The following LIF variants were observed in gnomAD, a reference collection of about 807,000 sequenced individuals.
LIF encodes LIF interleukin 6 family cytokine.
LIF carries 9 observed loss-of-function variants against 15.0 expected under a neutral mutation model. The observed-to-expected ratio is 0.60, with a 90% CI of 0.36 to 1.04. LIF has a LOEUF of 1.04. Among genes scored for constraint, LIF ranks in the 50% least tolerant of loss-of-function variants. The probability of loss-of-function intolerance (pLI) is 0.01; values close to 1 mark genes in which losing one functional copy is unlikely to be tolerated. For synonymous variants in LIF, 122 were observed against 119.7 expected (o/e 1.02, Z -0.13); for missense variants, 240 against 266.7 (o/e 0.90, Z 0.70).
chr22:30,244,567 T>C (rs1928801999), intron 2 of LIF, among the ~76,000 whole-genome samples, 188 bp downstream of exon 2: 1 of 152,096 alleles, frequency 6.6e-6, no homozygotes, highest in Non-Finnish European at 1.5e-5. Context: ...CTGGGCACCC[T>C]GGGGAAGCTT....
At position 30,241,836 on chromosome 22, in the gene LIF, T is replaced by G. The variant is rs947062243; in HGVS notation, c.*1815A>C. ...CCCTGCCTGGGAGCCCAGACATGGG[T>G]GGGAGTGGGATGGGGGTGGAGCAGG... On this transcript the variant is annotated 3_prime_UTR_variant, in exon 3 of 3. Coordinates refer to ENST00000249075, the MANE Select transcript of LIF (RefSeq NM_002309.5). The surrounding 1 kb of genome is among the most constrained non-coding windows in gnomAD (Gnocchi z 4.4). The G allele has an allele frequency of 5.9e-5, 9 of 152,044 alleles. No individual in the cohort carries two copies. Among genetic ancestry groups the G allele is most frequent in the African/African-American group, 2.2e-4 (9 of 41,312 alleles). 9.4% of individuals were successfully genotyped at this position (152,044 alleles called of 1,614,324 possible). A position where few individuals can be genotyped will look rare whatever the true frequency, so the allele number is the denominator to read the frequency against.
At chr22:30,244,147 G>A in intron 2 of LIF, 86 bp from the exon 3 acceptor site, 2 of 1,351,146 alleles carry the variant, frequency 1.5e-6, no homozygotes, top group Non-Finnish European at 2.0e-6. Context: ...TCTTGCGTCT[G>A]TTTCCCCATC....
chr22:30,240,603 G>C lies in LIF; in HGVS notation c.*3048C>G, dbSNP rs1019320917. Reference sequence around the variant, plus strand: ...CCCCACAGGGTACATTCATCAAAGAGGAATTTGTCACCCAAGGCCATGTGC... The same window carrying C: ...CCCCACAGGGTACATTCATCAAAGACGAATTTGTCACCCAAGGCCATGTGC... On this transcript the variant is annotated 3_prime_UTR_variant, in exon 3 of 3. Transcript: ENST00000249075. 6.6e-6 allele frequency: 1 copy of C among 152,566 alleles called. No individual in the cohort carries two copies. Among genetic ancestry groups the C allele is most frequent in the African/African-American group, 2.4e-5 (1 of 41,404 alleles). 9.5% of individuals were successfully genotyped at this position (152,566 alleles called of 1,614,324 possible). A position where few individuals can be genotyped will look rare whatever the true frequency, so the allele number is the denominator to read the frequency against.
rs1928738587 is a variant in LIF at position 30,243,251 on chromosome 22, A to G, written c.*400T>C. The G allele has an allele frequency of 2.8e-5, 9 of 318,456 alleles. No individual in the cohort carries two copies. Among genetic ancestry groups the G allele is most frequent in the South Asian group, 2.4e-4 (8 of 32,918 alleles). The allele number at this position is 318,456 out of a possible 1,614,324, so 19.7% of individuals were successfully genotyped here. A position where few individuals can be genotyped will look rare whatever the true frequency, so the allele number is the denominator to read the frequency against. On this transcript the variant is annotated 3_prime_UTR_variant, in exon 3 of 3. Coordinates refer to ENST00000249075, the MANE Select transcript of LIF (RefSeq NM_002309.5). This position sits in a 1 kb window ranked among gnomAD's most constrained non-coding sequence, Gnocchi z 6.0. ...AGGGGCAGCAAAGGCACAGATGGTG[A>G]TAATTTGCTGGGGGCTGGTCCACTC...
At chr22:30,244,552 G>T (rs1274048641) in intron 2 of LIF, among the ~76,000 whole-genome samples, 1 of 152,124 alleles carries the variant, frequency 6.6e-6, no homozygotes, top group Non-Finnish European at 1.5e-5. Context: ...TTCTCCCCTT[G>T]CTAACTGGGC....
rs142197761 is a variant in LIF, at chr22:30,243,987, G to A, written c.273C>T (p.Pro91=). The change falls in exon 3 of 3, where the codon CCC becomes CCT. Residue 91 remains proline, a synonymous_variant. Coordinates refer to ENST00000249075, the MANE Select transcript of LIF (RefSeq NM_002309.5). This position sits in a 1 kb window ranked among gnomAD's most constrained non-coding sequence, Gnocchi z 6.0. ...CCTTCTCCGTGCCGTTGGCGTGGAA[G>A]GGCGGGAAGTCCGTCACGTTGGGGC... ...LCGPNVTDFP[P]FHANGTEKAK... 9 of 1,613,864 alleles carry A rather than the reference G, an allele frequency of 5.6e-6. No homozygotes were observed. The highest frequency in any genetic ancestry group is 2.7e-5 in the African/African-American group (2 of 74,918).
chr22:30,244,715 C>A, intron 2 of LIF, 40 bp downstream of exon 2: 1 of 1,584,760 alleles, frequency 6.3e-7, no homozygotes, highest in Non-Finnish European at 8.7e-7. Flanking sequence ...TACAAGCCCC[C>A]TCCCTGCCAT....
chr22:30,245,453 G>C (rs1434832205), intron 1 of LIF, among the ~76,000 whole-genome samples: 1 of 152,146 alleles, frequency 6.6e-6, no homozygotes, highest in Non-Finnish European at 1.5e-5. Context: ...ATGGGGGAGT[G>C]GGGAGGAGTC....
intron 2 of LIF, among the ~76,000 whole-genome samples, chr22:30,244,460 G>A (rs987760320): frequency 6.6e-6 from 1 of 152,018 alleles, no homozygotes; most frequent in African/African-American, 2.4e-5. Flanking sequence ...GGTGCCTCAC[G>A]CCCATTTCCC....
intron 2 of LIF, 137 bp downstream of exon 2, chr22:30,244,618 G>A (rs1232316892): frequency 3.6e-6 from 3 of 827,090 alleles, no homozygotes; most frequent in Non-Finnish European, 6.0e-6. Flanking sequence ...GAGTCTGGGG[G>A]TGGTTTAATC....
Position 30,243,622 on chromosome 22 carries a change from C to T in LIF, c.*29G>A, listed in dbSNP as rs757418172. ...TCTGGACCCAACTCCTGAGATCCCT[C>T]GGTTCACAGCACACTTCAAGACCTC... On this transcript the variant is annotated 3_prime_UTR_variant, in exon 3 of 3. Coordinates refer to ENST00000249075, the MANE Select transcript of LIF (RefSeq NM_002309.5). This position sits in a 1 kb window ranked among gnomAD's most constrained non-coding sequence, Gnocchi z 6.0. The T allele has an allele frequency of 7.4e-6, 12 of 1,613,880 alleles. No homozygotes were observed. The highest frequency in any genetic ancestry group is 1.1e-5 in the South Asian group (1 of 91,056).
At chr22:30,244,606 G>A (rs929273) in intron 2 of LIF, 149 bp downstream of exon 2, 227,820 of 750,962 alleles carry the variant, frequency 0.3, 38,021 homozygotes, top group South Asian at 0.46. Flanking sequence ...AGGAAGTGGC[G>A]GGAGTCTGGG....
chr22:30,243,672 G>C lies in LIF; in HGVS notation c.588C>G (p.Ala196=). The change falls in exon 3 of 3, where the codon GCC becomes GCG. Residue 196 remains alanine, a synonymous_variant. Transcript: ENST00000249075. This position sits in a 1 kb window ranked among gnomAD's most constrained non-coding sequence, Gnocchi z 6.0. Reference sequence around the variant, plus strand: ...CCTGCTAGAAGGCCTGGGCCAACACGGCGATGATCTGCTTATACTTCCCCA... The same window carrying C: ...CCTGCTAGAAGGCCTGGGCCAACACCGCGATGATCTGCTTATACTTCCCCA... The part of the protein sequence containing the change: ...QLLGKYKQII[A]VLAQAF 1 of 1,614,216 alleles carries C rather than the reference G, an allele frequency of 6.2e-7. No homozygotes were observed. The highest frequency in any genetic ancestry group is 8.5e-7 in the Non-Finnish European group (1 of 1,180,044).
At chr22:30,244,265 T>G (rs555418196) in intron 2 of LIF, among the ~76,000 whole-genome samples, 1 of 152,258 alleles carries the variant, frequency 6.6e-6, no homozygotes, top group African/African-American at 2.4e-5. Flanking sequence ...GACTGAGCCA[T>G]GCACGCAGTC....
Position 30,244,826 on chromosome 22 carries a change from T to G in LIF, c.127A>C (p.Asn43His). The G allele has an allele frequency of 6.2e-7, 1 of 1,614,188 alleles. No homozygotes were observed. The highest frequency in any genetic ancestry group is 8.5e-7 in the Non-Finnish European group (1 of 1,180,014). Reference protein sequence around the residue: ...TCAIRHPCHNNLMNQIRSQLA... With the variant: ...TCAIRHPCHNHLMNQIRSQLA... Reference sequence around the variant, plus strand: ...TGGCTCCTGATCTGGTTCATGAGGTTGTTGTGACATGGGTGGCGTATGGCA... The same window carrying G: ...TGGCTCCTGATCTGGTTCATGAGGTGGTTGTGACATGGGTGGCGTATGGCA... Residue 43 changes from asparagine (N) to histidine (H), a missense_variant, in exon 2 of 3, where the codon AAC (asparagine) becomes CAC (histidine). Coordinates refer to ENST00000249075, the MANE Select transcript of LIF (RefSeq NM_002309.5).
At position 30,241,308 on chromosome 22, in the gene LIF, G is replaced by T. The variant is rs1928660020; in HGVS notation, c.*2343C>A. The T allele has an allele frequency of 6.6e-6, 1 of 152,390 alleles. No homozygotes were observed. Among genetic ancestry groups the T allele is most frequent in the Non-Finnish European group, 1.5e-5 (1 of 68,090 alleles). The allele number at this position is 152,390 out of a possible 1,614,324, so 9.4% of individuals were successfully genotyped here. A position where few individuals can be genotyped will look rare whatever the true frequency, so the allele number is the denominator to read the frequency against. On this transcript the variant is annotated 3_prime_UTR_variant, in exon 3 of 3. Transcript: ENST00000249075. The surrounding 1 kb of genome is among the most constrained non-coding windows in gnomAD (Gnocchi z 4.4). ...TGGGCGAGTCAGCCGGGCCCCCCGGGTGGAATCAGCAACTCTGGTTTCCAG... is the reference window on the plus strand; with the variant it reads ...TGGGCGAGTCAGCCGGGCCCCCCGGTTGGAATCAGCAACTCTGGTTTCCAG...
Position 30,243,447 on chromosome 22 carries a change from C to G in LIF, c.*204G>C. Reference sequence around the variant, plus strand: ...GGAAGGGGCACCTTCTTCTAGCTCCCTCCCTATGGAAGTTTCCACTCTGCT... The same window carrying G: ...GGAAGGGGCACCTTCTTCTAGCTCCGTCCCTATGGAAGTTTCCACTCTGCT... On this transcript the variant is annotated 3_prime_UTR_variant, in exon 3 of 3. Transcript: ENST00000249075. The surrounding 1 kb of genome is among the most constrained non-coding windows in gnomAD (Gnocchi z 6.0). 1.6e-6 allele frequency: 1 copy of G among 629,412 alleles called. No homozygotes were observed. The highest frequency in any genetic ancestry group is 2.8e-5 in the Admixed American group (1 of 35,670). The allele number at this position is 629,412 out of a possible 1,614,324, so 39.0% of individuals were successfully genotyped here.
Position 30,243,502 on chromosome 22 carries a change from A to C in LIF, c.*149T>G. 1.1e-6 allele frequency: 1 copy of C among 870,750 alleles called. No homozygotes were observed. Among genetic ancestry groups the C allele is most frequent in the Non-Finnish European group, 1.9e-6 (1 of 533,012 alleles). 53.9% of individuals were successfully genotyped at this position (870,750 alleles called of 1,614,324 possible). A position where few individuals can be genotyped will look rare whatever the true frequency, so the allele number is the denominator to read the frequency against. ...TTCATCACAGCCCAGCCCAGAGTGG[A>C]GTGGACTGGCCAGGCACCCTCGGGG... On this transcript the variant is annotated 3_prime_UTR_variant, in exon 3 of 3. Transcript: ENST00000249075. The surrounding 1 kb of genome is among the most constrained non-coding windows in gnomAD (Gnocchi z 6.0).
intron 2 of LIF, among the ~76,000 whole-genome samples, chr22:30,244,281 TATC>T (rs1247118935): frequency 1.3e-5 from 2 of 152,044 alleles, no homozygotes; most frequent in South Asian, 2.1e-4. Flanking sequence ...CAGTCATCAT[TATC>T]ATCATCATCA....
Sources: allele counts gnomAD v4.1 joint callset (sites outside exome capture counted in the v4.1 genomes callset), GRCh38; gene constraint gnomAD v4.1.1; non-coding constraint Gnocchi (gnomAD v3.1); transcripts MANE v1.5; gene names NCBI Gene and HGNC (gene_info 2026-07-23, HGNC 2026-07-21).